Variants in FAM193A observed in about 807,000 individuals in gnomAD.
The protein encoded by FAM193A is family with sequence similarity 193 member A.
FAM193A carries 22 observed loss-of-function variants against 126.5 expected under a neutral mutation model. The ratio of observed to expected loss-of-function variants is 0.17; its 90% CI spans 0.12 to 0.25. The LOEUF (loss-of-function observed/expected upper bound fraction) is 0.25. Among genes scored for constraint, FAM193A ranks in the 10% least tolerant of loss-of-function variants. FAM193A has a pLI of 1.00. For missense variants in FAM193A, 1,675 were observed against 1,672.8 expected (o/e 1.00, Z -0.02); for synonymous variants, 761 against 646.8 (o/e 1.18, Z -2.68).
rs758553148 is a variant in FAM193A, at chr4:2,700,459, G to A, written c.4287G>A (p.Lys1429=). ...CCGGTGAGCATCAGCAGAACAGCAA[G>A]CTGGTGCTGGCAGAGTCCCCTCAGC... ...TSPGEHQQNS[K]LVLAESPQPK... Residue 1429 remains lysine, a synonymous_variant, in exon 19 of 21, where the codon AAG becomes AAA. Transcript: ENST00000637812. 1.9e-6 allele frequency: 3 copies of A among 1,614,178 alleles called. No individual in the cohort carries two copies. Among genetic ancestry groups the A allele is most frequent in the Non-Finnish European group, 2.5e-6 (3 of 1,180,026 alleles).
chr4:2,728,009 G>A lies in FAM193A; in HGVS notation c.4455-3766G>A, dbSNP rs192348442. ...TGCCCAGGCACGATCTTGGCTCACCGCAACCTCCGCCTGCCGGGTTCAAGC... is the reference window on the plus strand; with the variant it reads ...TGCCCAGGCACGATCTTGGCTCACCACAACCTCCGCCTGCCGGGTTCAAGC... On this transcript the variant is annotated intron_variant, in intron 20 of 20. Coordinates refer to ENST00000637812, the MANE Select transcript of FAM193A (RefSeq NM_001366318.2). Among the ~76,000 whole-genome samples, 691 of 151,408 alleles carry A rather than the reference G, an allele frequency of 4.6e-3. 3 individuals are homozygous for A. Among genetic ancestry groups the A allele is most frequent in the Non-Finnish European group, 8.0e-3 (542 of 67,876 alleles).
chr4:2,661,985 T>G (rs1024859815), intron 10 of FAM193A, among the ~76,000 whole-genome samples: 5 of 152,056 alleles, frequency 3.3e-5, no homozygotes, highest in African/African-American at 1.2e-4. Context: ...GGATTGAGAC[T>G]ATCCTGGCTA....
chr4:2,670,244 T>C (rs1266474410), intron 12 of FAM193A, among the ~76,000 whole-genome samples: 1 of 152,230 alleles, frequency 6.6e-6, no homozygotes, highest in Non-Finnish European at 1.5e-5. Flanking sequence ...TTGGTTTAGC[T>C]ATTGTACTCT....
At chr4:2,692,624 C>CCAAGA (rs1308078740) in intron 15 of FAM193A, among the ~76,000 whole-genome samples, 2 of 152,074 alleles carry the variant, frequency 1.3e-5, no homozygotes, top group Admixed American at 6.6e-5. Flanking sequence ...TCCAAATCTA[C>CCAAGA]CAAGACAAGA....
intron 1 of FAM193A, among the ~76,000 whole-genome samples, chr4:2,543,556 A>T (rs1320411547): frequency 2.6e-5 from 4 of 151,988 alleles, no homozygotes; most frequent in African/African-American, 9.7e-5. Context: ...AAATTAAAAT[A>T]AAAATTAGCC....
chr4:2,663,923 C>T (rs147650613), intron 12 of FAM193A, among the ~76,000 whole-genome samples: 3,929 of 152,222 alleles, frequency 0.026, 184 homozygotes, highest in African/African-American at 0.089. Flanking sequence ...GCCAAGATTG[C>T]GCCACTGCAC....
Position 2,616,355 on chromosome 4 carries a change from CT to C in FAM193A, c.502-8902del, listed in dbSNP as rs536782572. On this transcript the variant is annotated intron_variant, in intron 2 of 20. Coordinates refer to ENST00000637812, the MANE Select transcript of FAM193A (RefSeq NM_001366318.2). ...CATGGAATATGGCTTCCCAACCTTT[CT>C]TTTTAACCTGTCTTTATCATCTCTT... Among the ~76,000 whole-genome samples, 168 of 152,212 alleles carry C rather than the reference CT, an allele frequency of 1.1e-3. 2 individuals carry two copies. The South Asian group carries it at 0.018, about 17-fold the overall frequency.
At chr4:2,602,677 T>G (rs1343137341) in intron 2 of FAM193A, among the ~76,000 whole-genome samples, 2 of 152,072 alleles carry the variant, frequency 1.3e-5, no homozygotes, top group African/African-American at 4.8e-5. Flanking sequence ...TGTTTTTGTT[T>G]TGTGACGGAA....
chr4:2,682,157 T>G (rs1288476819), intron 13 of FAM193A, among the ~76,000 whole-genome samples: 1 of 151,946 alleles, frequency 6.6e-6, no homozygotes, highest in East Asian at 1.9e-4. Context: ...GCTAATTTTT[T>G]GTATATTTAG....
Position 2,700,450 on chromosome 4 carries a change from G to A in FAM193A, c.4278G>A (p.Gln1426=), listed in dbSNP as rs765434402. The change falls in exon 19 of 21, where the codon CAG becomes CAA. Residue 1426 remains glutamine (Q), a synonymous_variant. Transcript: ENST00000637812. ...MEPTSPGEHQ[Q]NSKLVLAESP... ...CCACCTCTCCCGGTGAGCATCAGCA[G>A]AACAGCAAGCTGGTGCTGGCAGAGT... 1 of 1,614,202 alleles carries A rather than the reference G, an allele frequency of 6.2e-7. No individual in the cohort carries two copies. The highest frequency in any genetic ancestry group is 1.1e-5 in the South Asian group (1 of 91,084).
intron 2 of FAM193A, among the ~76,000 whole-genome samples, chr4:2,610,599 A>C (rs567205494): frequency 6.6e-6 from 1 of 152,298 alleles, no homozygotes; most frequent in Non-Finnish European, 1.5e-5. Context: ...GCATGTAGCA[A>C]TAGTTAATTC....
At chr4:2,645,120 C>T (rs1034869094) in intron 6 of FAM193A, among the ~76,000 whole-genome samples, 6 of 151,988 alleles carry the variant, frequency 3.9e-5, no homozygotes, top group Non-Finnish European at 1.5e-5. Context: ...AGTACTGATT[C>T]TCCTAGATGT....
chr4:2,556,286 A>G (rs571029648), intron 1 of FAM193A, among the ~76,000 whole-genome samples: 58 of 149,170 alleles, frequency 3.9e-4, no homozygotes, highest in African/African-American at 1.3e-3. Context: ...GCTCGCTGCA[A>G]CCTCCACCTC....
At chr4:2,605,557 TTCTGTTG>T (rs1177238083) in intron 2 of FAM193A, among the ~76,000 whole-genome samples, 1 of 152,246 alleles carries the variant, frequency 6.6e-6, no homozygotes, top group African/African-American at 2.4e-5. Context: ...ACACATGACA[TTCTGTTG>T]TCTATAAATA....
At chr4:2,731,131 G>A (rs1721328520) in intron 20 of FAM193A, among the ~76,000 whole-genome samples, 1 of 149,640 alleles carries the variant, frequency 6.7e-6, no homozygotes, top group Non-Finnish European at 1.5e-5. Context: ...GGGAGGCGGA[G>A]GCTTCAGTGA....
At chr4:2,721,952 T>G (rs951027621) in intron 20 of FAM193A, among the ~76,000 whole-genome samples, 3 of 152,084 alleles carry the variant, frequency 2.0e-5, no homozygotes, top group African/African-American at 7.2e-5. Context: ...TTGAGTGAAA[T>G]AAGAAGCTGT....
At chr4:2,657,150 A>G (rs1362566577) in intron 7 of FAM193A, among the ~76,000 whole-genome samples, 1 of 152,224 alleles carries the variant, frequency 6.6e-6, no homozygotes, top group Non-Finnish European at 1.5e-5. Flanking sequence ...CTTGGGTGAT[A>G]TAGCGAGACT....
At chr4:2,722,278 C>T (rs892622056) in intron 20 of FAM193A, among the ~76,000 whole-genome samples, 2 of 152,186 alleles carry the variant, frequency 1.3e-5, no homozygotes, top group Non-Finnish European at 2.9e-5. Context: ...GCAGAGGCCA[C>T]TGTGTCTCGG....
chr4:2,680,034 T>C (rs1184984988), intron 13 of FAM193A, among the ~76,000 whole-genome samples: 1 of 152,094 alleles, frequency 6.6e-6, no homozygotes, highest in Non-Finnish European at 1.5e-5. Context: ...CTAATTTTTG[T>C]ATTTTTAGTA....
Sources: allele counts gnomAD v4.1 joint callset (sites outside exome capture counted in the v4.1 genomes callset), GRCh38; gene constraint gnomAD v4.1.1; transcripts MANE v1.5; gene names NCBI Gene and HGNC (gene_info 2026-07-23, HGNC 2026-07-21).